Variants in SUSD6 observed in about 807,000 individuals in gnomAD.
SUSD6 encodes the protein sushi domain containing 6.
Under a neutral mutation model 28.4 loss-of-function variants are expected in SUSD6, and 16 were observed. The observed-to-expected ratio is 0.56, with a 90% confidence interval of 0.38 to 0.86. The LOEUF (loss-of-function observed/expected upper bound fraction) is 0.86, where lower values mean the gene tolerates loss of function less well. SUSD6 is among the 40% of genes least tolerant of loss of function. The pLI is 0.00. For synonymous variants in SUSD6, 147 were observed against 159.6 expected (o/e 0.92, Z 0.59); for missense variants, 341 against 384.2 (o/e 0.89, Z 0.94).
chr14:69,670,552 G>C (rs897164970), intron 2 of SUSD6: 3 of 455,912 alleles, frequency 6.6e-6, no homozygotes, highest in Non-Finnish European at 1.3e-5. Context: ...GCATAGTCAG[G>C]TGAAGAAGGC....
At chr14:69,658,805 CAGGCGGTTTCAGGG>C (rs1252261373) in intron 2 of SUSD6, 92 bp downstream of exon 2, 65 of 1,537,248 alleles carry the variant, frequency 4.2e-5, no homozygotes, top group Non-Finnish European at 5.7e-5. Flanking sequence ...CTCCTCCTGG[CAGGCGGTTTCAGGG>C]AGAGCAGAGG....
At chr14:69,683,954 G>A (rs975071264) in intron 2 of SUSD6, among the ~76,000 whole-genome samples, 2 of 152,210 alleles carry the variant, frequency 1.3e-5, no homozygotes, top group African/African-American at 2.4e-5. Context: ...CCATAGTGGT[G>A]CCTATGGCCC....
At chr14:69,631,508 G>T (rs565686189) in intron 1 of SUSD6, among the ~76,000 whole-genome samples, 229 of 152,050 alleles carry the variant, frequency 1.5e-3, no homozygotes, top group African/African-American at 5.4e-3. Context: ...GTTTTGTTTT[G>T]TTTTGCCTAA....
rs1269322735 is a variant in SUSD6, at chr14:69,710,941, G to C, written c.887-13G>C. On this transcript the variant is annotated splice_polypyrimidine_tract_variant and intron_variant, in intron 5 of 5. Transcript: ENST00000342745. ...AAGGTAACCACTGTGCTTTTCTTCT[G>C]GTCTTCCTGCAGATATTCCACTGTT... 1.2e-6 allele frequency: 2 copies of C among 1,613,900 alleles called. No individual in the cohort carries two copies. Among genetic ancestry groups the C allele is most frequent in the Non-Finnish European group, 1.7e-6 (2 of 1,179,834 alleles).
intron 2 of SUSD6, among the ~76,000 whole-genome samples, chr14:69,692,933 C>T (rs1226018516): frequency 2.0e-5 from 3 of 152,154 alleles, no homozygotes; most frequent in Admixed American, 6.5e-5. Flanking sequence ...CATATTTTAG[C>T]TCAGGTAGGT....
At chr14:69,624,643 C>T (rs977465518) in intron 1 of SUSD6, among the ~76,000 whole-genome samples, 1 of 152,034 alleles carries the variant, frequency 6.6e-6, no homozygotes, top group African/African-American at 2.4e-5. Flanking sequence ...TTAGTAGAGA[C>T]GGAGTTTCTC....
At chr14:69,677,419 C>T (rs879306390) in intron 2 of SUSD6, among the ~76,000 whole-genome samples, 10 of 151,892 alleles carry the variant, frequency 6.6e-5, no homozygotes, top group Non-Finnish European at 1.2e-4. Flanking sequence ...TGGTGGTGGA[C>T]GCCTGTAGTC....
At chr14:69,681,517 A>G (rs948438066) in intron 2 of SUSD6, among the ~76,000 whole-genome samples, 6 of 152,210 alleles carry the variant, frequency 3.9e-5, no homozygotes, top group African/African-American at 1.4e-4. Flanking sequence ...AGTGGCCTGC[A>G]GTAGGAGGGT....
At chr14:69,612,297 T>C (rs1884889655) in intron 1 of SUSD6, among the ~76,000 whole-genome samples, 1 of 151,990 alleles carries the variant, frequency 6.6e-6, no homozygotes, top group Non-Finnish European at 1.5e-5. Context: ...AGAAGGTGGA[T>C]TTCCTGAGGA....
intron 1 of SUSD6, among the ~76,000 whole-genome samples, chr14:69,626,864 G>C (rs989158809): frequency 2.7e-5 from 4 of 149,572 alleles, no homozygotes; most frequent in African/African-American, 1.0e-4. Flanking sequence ...AAAAAAAAAC[G>C]TGTTTTTTTT....
chr14:69,699,621 T>A (rs1006710570), intron 2 of SUSD6, among the ~76,000 whole-genome samples: 3 of 152,026 alleles, frequency 2.0e-5, no homozygotes, highest in Non-Finnish European at 4.4e-5. Flanking sequence ...ATACTTCAGC[T>A]TTTTTCTTTT....
intron 1 of SUSD6, among the ~76,000 whole-genome samples, chr14:69,639,956 G>GTTTTTTTTTTTTTTTTTTTTTTTTTTTT (rs11463756): frequency 2.4e-5 from 2 of 81,638 alleles, no homozygotes; most frequent in Non-Finnish European, 4.4e-5. Flanking sequence ...CACCTACACT[G>GTTTTTTTTTTTTTTTTTTTTTTTTTTTT]TTTTTTTTTT....
chr14:69,657,688 C>G (rs918890221), intron 1 of SUSD6, among the ~76,000 whole-genome samples: 7 of 152,116 alleles, frequency 4.6e-5, no homozygotes, highest in Non-Finnish European at 8.8e-5. Flanking sequence ...ATATAATAGG[C>G]CCACACCATA....
intron 1 of SUSD6, among the ~76,000 whole-genome samples, chr14:69,651,802 T>G (rs1885507492): frequency 6.6e-6 from 1 of 152,190 alleles, no homozygotes; most frequent in Admixed American, 6.5e-5. Flanking sequence ...GGGGAGATGT[T>G]GCAGGGAAGA....
chr14:69,693,521 C>T (rs985974118), intron 2 of SUSD6, among the ~76,000 whole-genome samples: 4 of 152,186 alleles, frequency 2.6e-5, no homozygotes, highest in Admixed American at 2.6e-4. Flanking sequence ...TTTCTGCCTG[C>T]CCCCTCTCCA....
Position 69,713,675 on chromosome 14 carries a change from C to T in SUSD6, c.*2696C>T, listed in dbSNP as rs1292940948. On this transcript the variant is annotated 3_prime_UTR_variant, in exon 6 of 6. Transcript: ENST00000342745. ...TTAAAAGACAGGCTGCCTGAGGAGCCTGGAGCAGGTGGAAACAGGTGGAAG... is the reference window on the plus strand; with the variant it reads ...TTAAAAGACAGGCTGCCTGAGGAGCTTGGAGCAGGTGGAAACAGGTGGAAG... 6.6e-6 allele frequency: 1 copy of T among 152,256 alleles called. No homozygotes were observed. The highest frequency in any genetic ancestry group is 1.5e-5 in the Non-Finnish European group (1 of 68,116). 9.4% of individuals were successfully genotyped at this position (152,256 alleles called of 1,614,324 possible). A position where few individuals can be genotyped will look rare whatever the true frequency, so the allele number is the denominator to read the frequency against.
chr14:69,703,392 C>T lies in SUSD6; in HGVS notation c.122-3C>T, dbSNP rs747413626. Reference sequence around the variant, plus strand: ...TACCCCTGCTCTCTCCCTGTCTTTGCAGTGTGCCCCCTACCACCGGAGCCA... The same window carrying T: ...TACCCCTGCTCTCTCCCTGTCTTTGTAGTGTGCCCCCTACCACCGGAGCCA... On this transcript the variant is annotated splice_polypyrimidine_tract_variant and splice_region_variant and intron_variant, in intron 2 of 5. Coordinates refer to ENST00000342745, the MANE Select transcript of SUSD6 (RefSeq NM_014734.4). The T allele has an allele frequency of 6.2e-7, 1 of 1,612,344 alleles. No homozygotes were observed. The highest frequency in any genetic ancestry group is 8.5e-7 in the Non-Finnish European group (1 of 1,179,010).
chr14:69,708,303 C>A (rs1367688144), intron 4 of SUSD6, among the ~76,000 whole-genome samples: 2 of 152,164 alleles, frequency 1.3e-5, no homozygotes, highest in African/African-American at 2.4e-5. Context: ...GAATGAATGC[C>A]TTTATTTCTG....
At chr14:69,653,213 A>G (rs1161582638) in intron 1 of SUSD6, among the ~76,000 whole-genome samples, 1 of 152,198 alleles carries the variant, frequency 6.6e-6, no homozygotes, top group African/African-American at 2.4e-5. Context: ...CTAGGTTTAC[A>G]GAGGTGGGAG....
Sources: allele counts gnomAD v4.1 joint callset (sites outside exome capture counted in the v4.1 genomes callset), GRCh38; gene constraint gnomAD v4.1.1; transcripts MANE v1.5; gene names NCBI Gene and HGNC (gene_info 2026-07-23, HGNC 2026-07-21).